Variants in PXDNL observed in about 807,000 individuals in gnomAD.
PXDNL encodes peroxidasin like.
A neutral mutation model predicts 150.8 loss-of-function variants in PXDNL; 145 were observed. The ratio of observed to expected loss-of-function variants is 0.96; its 90% CI spans 0.84 to 1.10. PXDNL has a LOEUF of 1.10. PXDNL is among the 50% of genes least tolerant of loss of function. The pLI is 0.00. For synonymous variants in PXDNL, 757 were observed against 725.7 expected (o/e 1.04, Z -0.69); for missense variants, 2,087 against 1,873.9 (o/e 1.11, Z -2.10).
intron 2 of PXDNL, among the ~76,000 whole-genome samples, chr8:51,651,174 G>C (rs1414651033): frequency 6.6e-6 from 1 of 152,086 alleles, no homozygotes; most frequent in Non-Finnish European, 1.5e-5. Flanking sequence ...GTGATATTTA[G>C]TTAAACACTC....
chr8:51,390,724 AGCACAGATTTTC>A (rs1426879948), intron 17 of PXDNL, among the ~76,000 whole-genome samples: 1 of 151,926 alleles, frequency 6.6e-6, no homozygotes, highest in Admixed American at 6.6e-5. Flanking sequence ...AATGGCATAA[AGCACAGATTTTC>A]TTTTTTTTTT....
chr8:51,798,426 A>G (rs2037585340), intron 1 of PXDNL, among the ~76,000 whole-genome samples: 1 of 152,208 alleles, frequency 6.6e-6, no homozygotes, highest in African/African-American at 2.4e-5. Flanking sequence ...AATTTTTGCA[A>G]TCTATTCATC....
At chr8:51,720,062 G>A (rs1816697587) in intron 1 of PXDNL, among the ~76,000 whole-genome samples, 1 of 152,020 alleles carries the variant, frequency 6.6e-6, no homozygotes. Context: ...AGTAAGTGAG[G>A]CATTAATTTG....
At chr8:51,691,296 GT>G (rs1815991824) in intron 1 of PXDNL, among the ~76,000 whole-genome samples, 1 of 152,108 alleles carries the variant, frequency 6.6e-6, no homozygotes, top group African/African-American at 2.4e-5. Context: ...GGTTTTTATG[GT>G]TTTAGGTCTA....
intron 12 of PXDNL, chr8:51,436,059 A>G (rs1281392370): frequency 3.5e-5 from 18 of 519,346 alleles, no homozygotes; most frequent in Admixed American, 6.3e-5. Context: ...GCCTAGCTGA[A>G]CTACAGATGA....
chr8:51,691,702 A>G (rs1816002905), intron 1 of PXDNL, among the ~76,000 whole-genome samples: 1 of 152,168 alleles, frequency 6.6e-6, no homozygotes, highest in African/African-American at 2.4e-5. Context: ...ATGCCAAGAC[A>G]ATCCCTCTTT....
intron 1 of PXDNL, among the ~76,000 whole-genome samples, chr8:51,731,018 C>G: frequency 6.6e-6 from 1 of 152,142 alleles, no homozygotes; most frequent in East Asian, 1.9e-4. Flanking sequence ...CATCATTCTG[C>G]CCCTGGCCCC....
At position 51,411,344 on chromosome 8, in the gene PXDNL, C is replaced by T; in HGVS notation, c.1968G>A (p.Val656=). 1 of 1,589,984 alleles carries T rather than the reference C, an allele frequency of 6.3e-7. No individual in the cohort carries two copies. Among genetic ancestry groups the T allele is most frequent in the East Asian group, 2.3e-5 (1 of 43,190 alleles). Residue 656 remains valine, a synonymous_variant, in exon 16 of 23, where the codon GTG becomes GTA. Transcript: ENST00000356297. ...QFHYPRDPLI[V]EMARAGEIFE... ...AAATCTCCCCTGCTCTTGCCATTTC[C>T]ACAATCAGTGGGTCACGCGGGTAAT...
At chr8:51,610,459 A>G (rs1396829684) in intron 2 of PXDNL, among the ~76,000 whole-genome samples, 1 of 152,214 alleles carries the variant, frequency 6.6e-6, no homozygotes, top group African/African-American at 2.4e-5. Flanking sequence ...TAATAGATAG[A>G]CCTTTCCCTC....
At chr8:51,470,737 G>T (rs961183961) in intron 8 of PXDNL, among the ~76,000 whole-genome samples, 1 of 152,048 alleles carries the variant, frequency 6.6e-6, no homozygotes, top group Non-Finnish European at 1.5e-5. Context: ...AATGGGAAAA[G>T]GATTCTCTAT....
intron 3 of PXDNL, among the ~76,000 whole-genome samples, chr8:51,578,235 T>C (rs1406659942): frequency 1.3e-5 from 2 of 151,872 alleles, no homozygotes; most frequent in African/African-American, 4.8e-5. Context: ...TTTCAAAGAA[T>C]CTACTCCCCA....
At chr8:51,435,369 TTTTG>T (rs113465440) in intron 12 of PXDNL, among the ~76,000 whole-genome samples, 6 of 151,168 alleles carry the variant, frequency 4.0e-5, no homozygotes, top group African/African-American at 9.7e-5. Flanking sequence ...GTTTGCTTGT[TTTTG>T]TTTGTTTGTT....
chr8:51,486,477 GATA>G (rs779653232), intron 5 of PXDNL, among the ~76,000 whole-genome samples: 179 of 151,810 alleles, frequency 1.2e-3, no homozygotes, highest in Non-Finnish European at 2.0e-3. Flanking sequence ...GAAAAATTAT[GATA>G]ATAATAACTG....
intron 1 of PXDNL, among the ~76,000 whole-genome samples, chr8:51,718,777 G>C (rs192488009): frequency 5.9e-5 from 9 of 152,330 alleles, no homozygotes; most frequent in Admixed American, 5.2e-4. Context: ...TGGCCCCTCT[G>C]TGGTGTATTA....
chr8:51,341,589 C>A (rs1457087718), intron 20 of PXDNL, among the ~76,000 whole-genome samples: 1 of 152,126 alleles, frequency 6.6e-6, no homozygotes, highest in Non-Finnish European at 1.5e-5. Context: ...AAGTAAAACT[C>A]TTTACTCATT....
intron 2 of PXDNL, among the ~76,000 whole-genome samples, chr8:51,638,744 T>C (rs536596316): frequency 6.0e-4 from 91 of 152,104 alleles, no homozygotes; most frequent in Non-Finnish European, 1.1e-3. Context: ...TCCCACACAA[T>C]AATAATGGGA....
intron 12 of PXDNL, among the ~76,000 whole-genome samples, chr8:51,437,621 T>A (rs1249398307): frequency 2.0e-5 from 3 of 152,158 alleles, no homozygotes; most frequent in Non-Finnish European, 2.9e-5. Flanking sequence ...AGAAAAAGCA[T>A]TTGACAAAAT....
intron 21 of PXDNL, among the ~76,000 whole-genome samples, chr8:51,338,182 CAA>C (rs757946882): frequency 7.7e-4 from 69 of 90,022 alleles, no homozygotes; most frequent in African/African-American, 1.2e-3. Context: ...GACTCCATCT[CAA>C]AAAAAAAAAA....
intron 1 of PXDNL, among the ~76,000 whole-genome samples, chr8:51,690,976 A>T (rs1815984225): frequency 6.6e-6 from 1 of 152,032 alleles, no homozygotes; most frequent in South Asian, 2.1e-4. Context: ...TTCTTTTGAG[A>T]AGTGTCTGTT....
Sources: allele counts gnomAD v4.1 joint callset (sites outside exome capture counted in the v4.1 genomes callset), GRCh38; gene constraint gnomAD v4.1.1; transcripts MANE v1.5; gene names NCBI Gene and HGNC (gene_info 2026-07-23, HGNC 2026-07-21).